Variants in ASPH observed in about 807,000 individuals in gnomAD.
ASPH encodes the protein aspartyl/asparaginyl beta-hydroxylase.
Under a neutral mutation model 118.4 loss-of-function variants are expected in ASPH, and 100 were observed. That is an observed-to-expected ratio of 0.84 (90% CI 0.72 to 1.00). The LOEUF (loss-of-function observed/expected upper bound fraction) is 1.00, where lower values mean the gene tolerates loss of function less well. Among genes scored for constraint, ASPH ranks in the 50% least tolerant of loss-of-function variants. ASPH has a pLI of 0.00. For synonymous variants in ASPH, 315 were observed against 325.6 expected (o/e 0.97, Z 0.35); for missense variants, 920 against 919.5 (o/e 1.00, Z -0.01).
intron 21 of ASPH, among the ~76,000 whole-genome samples, chr8:61,547,732 CATAA>C (rs1165951384): frequency 6.6e-6 from 1 of 151,652 alleles, no homozygotes; most frequent in Non-Finnish European, 1.5e-5. Flanking sequence ...TTAAATAATT[CATAA>C]ATATATATAT....
intron 14 of ASPH, among the ~76,000 whole-genome samples, chr8:61,592,193 G>A (rs1216609296): frequency 6.6e-6 from 1 of 152,132 alleles, no homozygotes; most frequent in Non-Finnish European, 1.5e-5. Flanking sequence ...TACAGTAAAG[G>A]AAAGTCATGG....
At chr8:61,550,446 C>CAT (rs906705367) in intron 20 of ASPH, among the ~76,000 whole-genome samples, 1 of 146,744 alleles carries the variant, frequency 6.8e-6, no homozygotes, top group South Asian at 2.2e-4. Flanking sequence ...TGTACATACA[C>CAT]ACACACACAC....
intron 1 of ASPH, among the ~76,000 whole-genome samples, chr8:61,707,891 C>T (rs1193619316): frequency 6.6e-6 from 1 of 152,016 alleles, no homozygotes; most frequent in African/African-American, 2.4e-5. Context: ...TATTTCTACA[C>T]ATAGGGATAT....
At chr8:61,601,633 G>C (rs1207697436) in intron 14 of ASPH, among the ~76,000 whole-genome samples, 1 of 149,408 alleles carries the variant, frequency 6.7e-6, no homozygotes, top group Non-Finnish European at 1.5e-5. Context: ...TAAAGATCAA[G>C]GTACATATTG....
At chr8:61,557,582 A>G (rs927609657) in intron 18 of ASPH, among the ~76,000 whole-genome samples, 3 of 152,112 alleles carry the variant, frequency 2.0e-5, no homozygotes, top group Non-Finnish European at 4.4e-5. Context: ...ACTTTTCTTC[A>G]TAGCACTTAT....
chr8:61,572,294 G>T (rs1833689094), intron 16 of ASPH, among the ~76,000 whole-genome samples: 1 of 152,142 alleles, frequency 6.6e-6, no homozygotes, highest in Non-Finnish European at 1.5e-5. Context: ...TCCCAGCAGG[G>T]TTGACAATCT....
intron 21 of ASPH, among the ~76,000 whole-genome samples, chr8:61,536,092 T>A (rs1819470971): frequency 7.0e-6 from 1 of 141,988 alleles, no homozygotes; most frequent in South Asian, 2.2e-4. Context: ...CAGGCTGGAG[T>A]GTAGTGGCAT....
chr8:61,514,002 G>GT (rs780333401), intron 24 of ASPH, among the ~76,000 whole-genome samples: 1 of 151,986 alleles, frequency 6.6e-6, no homozygotes, highest in Admixed American at 6.6e-5. Flanking sequence ...TTGTTTTTTT[G>GT]TTTTTTTAAA....
chr8:61,706,610 G>A (rs1308021968), intron 1 of ASPH, among the ~76,000 whole-genome samples: 1 of 152,128 alleles, frequency 6.6e-6, no homozygotes, highest in African/African-American at 2.4e-5. Flanking sequence ...TCAATACAAT[G>A]CCAGTAAAAA....
chr8:61,576,235 C>G (rs1334512479), intron 16 of ASPH, among the ~76,000 whole-genome samples: 1 of 152,098 alleles, frequency 6.6e-6, no homozygotes, highest in Non-Finnish European at 1.5e-5. Flanking sequence ...TATGCAGTTA[C>G]AGGTGAAAGG....
At chr8:61,518,258 G>T in intron 22 of ASPH, 135 bp from the exon 23 acceptor site, 1 of 676,388 alleles carries the variant, frequency 1.5e-6, no homozygotes. Context: ...AGATGAAGTA[G>T]GAATGCAAAA....
chr8:61,506,789 G>C (rs1806747737), intron 24 of ASPH, among the ~76,000 whole-genome samples: 1 of 152,186 alleles, frequency 6.6e-6, no homozygotes, highest in South Asian at 2.1e-4. Context: ...GAGGTGAAAT[G>C]TTGGGAAGTG....
intron 15 of ASPH, chr8:61,578,895 C>G: frequency 1.2e-6 from 2 of 1,612,138 alleles, no homozygotes; most frequent in Non-Finnish European, 1.7e-6. Context: ...CTTCCTCAGG[C>G]AGCTGTACGA....
intron 16 of ASPH, among the ~76,000 whole-genome samples, chr8:61,572,026 C>T (rs535768211): frequency 1.3e-5 from 2 of 152,224 alleles, no homozygotes; most frequent in East Asian, 3.9e-4. Context: ...TTATTTGAAT[C>T]AATTTTTCAC....
At chr8:61,612,456 C>T (rs1006543302) in intron 14 of ASPH, among the ~76,000 whole-genome samples, 1 of 151,556 alleles carries the variant, frequency 6.6e-6, no homozygotes, top group African/African-American at 2.4e-5. Flanking sequence ...TCATGGCAAC[C>T]TCTGCCTTTG....
intron 13 of ASPH, chr8:61,628,265 T>G (rs756765090): frequency 4.9e-5 from 15 of 305,582 alleles, no homozygotes; most frequent in South Asian, 2.7e-5. Context: ...ACTCAAGGAA[T>G]TCTTCCACCT....
intron 16 of ASPH, chr8:61,576,549 T>C (rs1835206680): frequency 4.5e-6 from 2 of 440,218 alleles, no homozygotes; most frequent in Non-Finnish European, 8.0e-6. Flanking sequence ...GTTTATTTTC[T>C]TTTCAAAGCC....
intron 16 of ASPH, among the ~76,000 whole-genome samples, chr8:61,573,095 G>A (rs1833960242): frequency 6.6e-6 from 1 of 152,110 alleles, no homozygotes; most frequent in Admixed American, 6.6e-5. Flanking sequence ...CAAATCATGA[G>A]TGAACTCCCG....
At chr8:61,653,785 G>A (rs1588709805) in intron 3 of ASPH, 125 bp from the exon 4 acceptor site, 4 of 990,552 alleles carry the variant, frequency 4.0e-6, no homozygotes, top group Non-Finnish European at 4.3e-6. Flanking sequence ...TTCTAAAATT[G>A]TATGCTTAAA....
Sources: allele counts gnomAD v4.1 joint callset (sites outside exome capture counted in the v4.1 genomes callset), GRCh38; gene constraint gnomAD v4.1.1; transcripts MANE v1.5; gene names NCBI Gene and HGNC (gene_info 2026-07-23, HGNC 2026-07-21).